Variants in ARPC1A observed in about 807,000 individuals in gnomAD.
ARPC1A encodes the protein actin-related protein 2/3 complex subunit 1A.
A neutral mutation model predicts 46.9 loss-of-function variants in ARPC1A; 8 were observed. The observed-to-expected ratio is 0.17, with a 90% CI of 0.10 to 0.31. ARPC1A has a LOEUF of 0.31. ARPC1A is among the 10% of genes least tolerant of loss of function. The pLI, the probability that ARPC1A is intolerant of heterozygous loss-of-function variation, is 1.00. For synonymous variants in ARPC1A, 152 were observed against 169.0 expected, an observed-to-expected ratio of 0.90 and a Z score of 0.78; for missense variants, 286 against 483.6, an observed-to-expected ratio of 0.59 and a Z score of 3.83.
chr7:99,359,894 A>G, intron 8 of ARPC1A, 156 bp downstream of exon 8: 1 of 869,512 alleles, frequency 1.2e-6, no homozygotes, highest in South Asian at 1.7e-5. Flanking sequence ...CCCGACCGCC[A>G]GGCTCTCATT....
chr7:99,327,435 C>G (rs1281966104), intron 1 of ARPC1A, among the ~76,000 whole-genome samples: 1 of 151,564 alleles, frequency 6.6e-6, no homozygotes, highest in Admixed American at 6.6e-5. Context: ...CTCAGCCTCC[C>G]GAGTAGCTGT....
In ARPC1A at chr7:99,335,090, C is replaced by T. The variant is rs183659259; in HGVS notation, c.64+1673C>T. ...CAATCTCCTGACCTCGTGATCTGCC[C>T]GCCTTGGCCTCCCAAAGTGCTGGGA... On this transcript the variant is annotated intron_variant, in intron 2 of 9. Transcript: ENST00000262942. 1.5e-3 allele frequency among the ~76,000 whole-genome samples: 233 copies of T among 152,146 alleles called. 1 individual carries two copies. Among genetic ancestry groups the T allele is most frequent in the African/African-American group, 5.1e-3 (213 of 41,522 alleles).
In ARPC1A at chr7:99,363,408, G is replaced by A. The variant is rs1373890031; in HGVS notation, c.984-135G>A. The A allele has an allele frequency of 1.8e-5, 12 of 683,712 alleles. 1 individual carries two copies. The highest frequency in any genetic ancestry group is 2.4e-4 in the Middle Eastern group (1 of 4,210). The allele number at this position is 683,712 out of a possible 1,614,324, so 42.4% of individuals were successfully genotyped here. A position where few individuals can be genotyped will look rare whatever the true frequency, so the allele number is the denominator to read the frequency against. ...CAGCTTGGGCAACATAATGAGACCCGCATCCCAGCTCTATTTAAAAAATAA... is the reference window on the plus strand; with the variant it reads ...CAGCTTGGGCAACATAATGAGACCCACATCCCAGCTCTATTTAAAAAATAA... On this transcript the variant is annotated intron_variant, in intron 8 of 9. Transcript: ENST00000262942.
intron 5 of ARPC1A, among the ~76,000 whole-genome samples, chr7:99,349,713 G>T (rs1052426542): frequency 2.6e-5 from 4 of 152,156 alleles, no homozygotes; most frequent in Middle Eastern, 3.2e-3. Flanking sequence ...GGTGGCGGGT[G>T]CCTGTAGTCC....
intron 6 of ARPC1A, among the ~76,000 whole-genome samples, chr7:99,355,800 C>T (rs915534475): frequency 6.7e-6 from 1 of 149,806 alleles, no homozygotes; most frequent in Non-Finnish European, 1.5e-5. Flanking sequence ...AATGTAAGTG[C>T]CGTTCACCGG....
chr7:99,360,940 C>CAAAA (rs34464636), intron 8 of ARPC1A, among the ~76,000 whole-genome samples: 1 of 80,210 alleles, frequency 1.2e-5, no homozygotes. Flanking sequence ...GACTCCGTCT[C>CAAAA]AAAAAAAAAA....
chr7:99,360,940 C>CAAA lies in ARPC1A; in HGVS notation c.983+1219_983+1221dup, dbSNP rs34464636. On this transcript the variant is annotated intron_variant, in intron 8 of 9. Coordinates refer to ENST00000262942, the MANE Select transcript of ARPC1A (RefSeq NM_006409.4). ...TGGGTGACAGAGTGAGACTCCGTCTCAAAAAAAAAAAAAAAAAAAGGCACC... is the reference window on the plus strand; with the variant it reads ...TGGGTGACAGAGTGAGACTCCGTCTCAAAAAAAAAAAAAAAAAAAAAAGGCACC... Among the ~76,000 whole-genome samples, 26 of 80,162 alleles carry CAAA rather than the reference C, an allele frequency of 3.2e-4. 1 individual carries two copies. The highest frequency in any genetic ancestry group is 8.3e-4 in the African/African-American group (21 of 25,374). 52.6% of individuals were successfully genotyped at this position (80,162 alleles called of 152,430 possible).
chr7:99,329,950 C>T (rs1481043556), intron 1 of ARPC1A, among the ~76,000 whole-genome samples: 1 of 151,824 alleles, frequency 6.6e-6, no homozygotes, highest in African/African-American at 2.4e-5. Context: ...GTTATAACAG[C>T]ATGTTATTTT....
intron 4 of ARPC1A, among the ~76,000 whole-genome samples, chr7:99,347,596 C>T (rs879718989): frequency 2.0e-5 from 3 of 151,880 alleles, no homozygotes; most frequent in East Asian, 1.9e-4. Context: ...TCCCAGCTAT[C>T]GGGAGGCTGA....
At chr7:99,356,886 C>T (rs374298501) in intron 6 of ARPC1A, among the ~76,000 whole-genome samples, 9 of 151,832 alleles carry the variant, frequency 5.9e-5, no homozygotes, top group Non-Finnish European at 1.3e-4. Flanking sequence ...GGCGACAGAG[C>T]GAGACTCCAT....
At chr7:99,337,820 T>G (rs1308674371) in intron 2 of ARPC1A, among the ~76,000 whole-genome samples, 4 of 152,164 alleles carry the variant, frequency 2.6e-5, no homozygotes, top group Admixed American at 1.3e-4. Flanking sequence ...TAGATTTAGC[T>G]CTAATAATAT....
chr7:99,359,772 C>T, intron 8 of ARPC1A, 34 bp downstream of exon 8: 1 of 1,610,804 alleles, frequency 6.2e-7, no homozygotes. Context: ...GGTCAGGTGA[C>T]AAGGTGCCTT....
At chr7:99,338,382 T>TTC in intron 3 of ARPC1A, 97 bp downstream of exon 3, 3 of 603,428 alleles carry the variant, frequency 5.0e-6, no homozygotes, top group Non-Finnish European at 7.4e-6. Context: ...GCCATAATTT[T>TTC]TTTTTTTTTT....
intron 3 of ARPC1A, 93 bp from the exon 4 acceptor site, chr7:99,344,200 T>A (rs1389471650): frequency 6.0e-6 from 7 of 1,166,838 alleles, no homozygotes; most frequent in Non-Finnish European, 8.8e-6. Flanking sequence ...CAAGACCACG[T>A]CTCATCCTGG....
intron 9 of ARPC1A, among the ~76,000 whole-genome samples, chr7:99,364,341 C>T (rs1273950602): frequency 7.0e-6 from 1 of 142,076 alleles, no homozygotes; most frequent in African/African-American, 2.7e-5. Flanking sequence ...GGCAGAATCT[C>T]GGCTCACCAC....
chr7:99,360,098 C>T (rs1021085720), intron 8 of ARPC1A: 5 of 326,804 alleles, frequency 1.5e-5, no homozygotes, highest in East Asian at 6.7e-5. Flanking sequence ...CTGAATGCTG[C>T]GTTCCCACAG....
At chr7:99,357,216 T>C (rs907716925) in intron 6 of ARPC1A, among the ~76,000 whole-genome samples, 92 of 152,298 alleles carry the variant, frequency 6.0e-4, no homozygotes, top group African/African-American at 2.1e-3. Context: ...TCAGATTACA[T>C]GCTCCACCTT....
intron 1 of ARPC1A, among the ~76,000 whole-genome samples, chr7:99,326,515 A>G (rs544576504): frequency 8.5e-5 from 13 of 152,248 alleles, no homozygotes; most frequent in African/African-American, 2.9e-4. Flanking sequence ...ATTTCCCTGC[A>G]TGAGTACCGC....
intron 2 of ARPC1A, among the ~76,000 whole-genome samples, chr7:99,333,736 A>G (rs1053934326): frequency 3.2e-4 from 48 of 152,182 alleles, no homozygotes; most frequent in African/African-American, 1.1e-3. Context: ...TTACTATGTT[A>G]TTCTTAGTCA....
Sources: allele counts gnomAD v4.1 joint callset (sites outside exome capture counted in the v4.1 genomes callset), GRCh38; gene constraint gnomAD v4.1.1; transcripts MANE v1.5; gene names NCBI Gene and HGNC (gene_info 2026-07-23, HGNC 2026-07-21).